The following C7 variants were observed in gnomAD, a reference collection of about 807,000 sequenced individuals.
C7 encodes the protein complement component C7.
Under a neutral mutation model 104.8 loss-of-function variants are expected in C7, and 83 were observed. That is an observed-to-expected ratio of 0.79 (90% CI 0.66 to 0.95). C7 has a LOEUF of 0.95. Ranked by LOEUF, C7 falls within the 40% of genes least tolerant of loss-of-function variation. The pLI is 0.00. For synonymous variants in C7, 415 were observed against 360.6 expected, an observed-to-expected ratio of 1.15 and a Z score of -1.71; for missense variants, 1,070 against 1,011.2, an observed-to-expected ratio of 1.06 and a Z score of -0.79.
chr5:40,909,618 T>G lies in C7; in HGVS notation c.6+2T>G, dbSNP rs778287275. On this transcript the variant is annotated splice_donor_variant, in intron 1 of 17. Transcript: ENST00000313164. LOFTEE classifies it high-confidence loss of function. ...CTGAATGTTTTCCCAAACATGAAGG[T>G]AAGACAATAAATTCATTACTTTTGT... is the stretch of plus-strand genomic sequence containing the variant. 2 of 1,545,530 alleles carry G rather than the reference T, an allele frequency of 1.3e-6. No homozygotes were observed. The highest frequency in any genetic ancestry group is 4.6e-5 in the East Asian group (2 of 43,616).
chr5:40,965,398 TAC>T (rs747140235), intron 14 of C7, among the ~76,000 whole-genome samples: 1 of 151,714 alleles, frequency 6.6e-6, no homozygotes, highest in Non-Finnish European at 1.5e-5. Context: ...AGCGCTAGTG[TAC>T]ACACACACAC....
At chr5:40,980,509 T>C (rs573239333) in intron 17 of C7, among the ~76,000 whole-genome samples, 12 of 152,366 alleles carry the variant, frequency 7.9e-5, no homozygotes, top group African/African-American at 2.9e-4. Flanking sequence ...TCTCACGTTG[T>C]GATTCAATAT....
At chr5:40,940,707 C>T (rs543469291) in intron 6 of C7, among the ~76,000 whole-genome samples, 30 of 152,256 alleles carry the variant, frequency 2.0e-4, no homozygotes, top group Admixed American at 9.2e-4. Flanking sequence ...CATATAAGAA[C>T]GCTTTGTATA....
intron 13 of C7, among the ~76,000 whole-genome samples, chr5:40,963,877 A>G (rs1048734926): frequency 3.3e-5 from 5 of 152,084 alleles, no homozygotes; most frequent in African/African-American, 9.7e-5. Context: ...ATGGGAGAAG[A>G]TCAACATTAT....
At chr5:40,978,261 A>C (rs1486013126) in intron 16 of C7, among the ~76,000 whole-genome samples, 1 of 152,140 alleles carries the variant, frequency 6.6e-6, no homozygotes, top group Non-Finnish European at 1.5e-5. Flanking sequence ...GTATATAGCA[A>C]TTTCTGGTGT....
chr5:40,961,323 T>G (rs1706193563), intron 12 of C7, among the ~76,000 whole-genome samples: 1 of 152,198 alleles, frequency 6.6e-6, no homozygotes, highest in African/African-American at 2.4e-5. Context: ...TAGTAAATGC[T>G]TAGTAAAAGG....
In C7 at chr5:40,937,552, T is replaced by G. The variant is rs1247071521; in HGVS notation, c.429T>G (p.Gly143=). ...CTTCTCCTCCTCCTCCTTTTAACAG[T>G]TACAATGAACTCACTGGCCAGTTTA... is the stretch of plus-strand genomic sequence containing the variant. ...PPPNIELTGN[G]YNELTGQFRN... Residue 143 remains glycine, a splice_region_variant and synonymous_variant, in exon 6 of 18, where the codon GGT becomes GGG. Coordinates refer to ENST00000313164, the MANE Select transcript of C7 (RefSeq NM_000587.4). The G allele has an allele frequency of 6.2e-7, 1 of 1,601,970 alleles. No homozygotes were observed. Among genetic ancestry groups the G allele is most frequent in the African/African-American group, 1.3e-5 (1 of 74,454 alleles).
intron 15 of C7, among the ~76,000 whole-genome samples, chr5:40,975,069 A>G (rs1050288723): frequency 7.9e-5 from 12 of 152,206 alleles, no homozygotes; most frequent in Non-Finnish European, 1.5e-5. Flanking sequence ...CTGGTTGAGA[A>G]GCACTGATGT....
chr5:40,954,394 A>G (rs1400796226), intron 9 of C7, among the ~76,000 whole-genome samples: 1 of 152,146 alleles, frequency 6.6e-6, no homozygotes, highest in African/African-American at 2.4e-5. Flanking sequence ...TAAAGTGTTT[A>G]TAATATTTGC....
chr5:40,915,171 A>G lies in C7; in HGVS notation c.6+5555A>G, dbSNP rs144874147. On this transcript the variant is annotated intron_variant, in intron 1 of 17. Transcript: ENST00000313164. ...AAGAACCACAAAAACACTGGGAGAG[A>G]TAAAGAATCAGCAGTCAAACGTCTA... Among the ~76,000 whole-genome samples the G allele has an allele frequency of 4.3e-4, 66 of 152,344 alleles. No homozygotes were observed. The East Asian group carries it at 0.013, about 29-fold the overall frequency.
At chr5:40,957,644 G>A (rs982960343) in intron 10 of C7, among the ~76,000 whole-genome samples, 10 of 151,768 alleles carry the variant, frequency 6.6e-5, no homozygotes, top group East Asian at 1.9e-4. Context: ...TAGTAGAGAC[G>A]GGGTTTCTCC....
intron 9 of C7, among the ~76,000 whole-genome samples, chr5:40,952,256 C>A (rs141878156): frequency 1.3e-5 from 2 of 152,292 alleles, no homozygotes; most frequent in Non-Finnish European, 2.9e-5. Context: ...ATTTTACAGA[C>A]AGGGACACTG....
chr5:40,922,695 T>TAAAAAAAAA (rs1739466140), intron 1 of C7, among the ~76,000 whole-genome samples: 1 of 86,528 alleles, frequency 1.2e-5, no homozygotes. Flanking sequence ...AGTGAGACTG[T>TAAAAAAAAA]CAAAAAAAAA....
At chr5:40,944,143 G>T (rs937843212) in intron 6 of C7, among the ~76,000 whole-genome samples, 1 of 151,924 alleles carries the variant, frequency 6.6e-6, no homozygotes, top group Admixed American at 6.6e-5. Context: ...CTTATGCTTG[G>T]ATCTCAAACG....
At chr5:40,970,448 C>CT (rs1422737600) in intron 14 of C7, among the ~76,000 whole-genome samples, 1 of 151,968 alleles carries the variant, frequency 6.6e-6, no homozygotes, top group East Asian at 1.9e-4. Context: ...AGAAAGAATA[C>CT]AGATGAAAAG....
At chr5:40,976,949 G>A (rs940733935) in intron 16 of C7, 109 bp downstream of exon 16, 13 of 843,654 alleles carry the variant, frequency 1.5e-5, no homozygotes, top group Middle Eastern at 5.2e-4. Flanking sequence ...CAAGAGTTAA[G>A]GGTCTTTGTT....
chr5:40,967,928 T>C (rs7712533), intron 14 of C7, among the ~76,000 whole-genome samples: 36,212 of 152,008 alleles, frequency 0.24, 4,503 homozygotes, highest in South Asian at 0.4. Context: ...TGGGCTTTTA[T>C]TGAACCTGTG....
chr5:40,973,038 G>T (rs1201688986), intron 15 of C7, among the ~76,000 whole-genome samples: 1 of 152,014 alleles, frequency 6.6e-6, no homozygotes, highest in Non-Finnish European at 1.5e-5. Flanking sequence ...TTCTGAAATT[G>T]AAAATTTAGA....
chr5:40,966,187 T>C (rs1740547512), intron 14 of C7, among the ~76,000 whole-genome samples: 1 of 152,008 alleles, frequency 6.6e-6, no homozygotes, highest in Admixed American at 6.6e-5. Flanking sequence ...TAGTGGTGAT[T>C]GTGAGATTTT....
Sources: allele counts gnomAD v4.1 joint callset (sites outside exome capture counted in the v4.1 genomes callset), GRCh38; gene constraint gnomAD v4.1.1; transcripts MANE v1.5; gene names NCBI Gene and HGNC (gene_info 2026-07-23, HGNC 2026-07-21).